The following POC1B variants were observed in gnomAD, a reference collection of about 807,000 sequenced individuals.
The protein encoded by POC1B is POC1 centriolar protein B.
Under a neutral mutation model 60.6 loss-of-function variants are expected in POC1B, and 44 were observed. That is an observed-to-expected ratio of 0.73 (90% CI 0.57 to 0.93). The LOEUF (loss-of-function observed/expected upper bound fraction) is 0.93. Among genes scored for constraint, POC1B ranks in the 40% least tolerant of loss-of-function variants. POC1B has a pLI of 0.00. For synonymous variants in POC1B, 180 were observed against 198.9 expected (o/e 0.90, Z 0.80); for missense variants, 555 against 572.3 (o/e 0.97, Z 0.31).
chr12:89,502,159 C>T, intron 2 of POC1B: 1 of 1,169,308 alleles, frequency 8.6e-7, no homozygotes, highest in Admixed American at 1.8e-5. Flanking sequence ...GGAAAGTGGA[C>T]CTTCCAGGCT....
intron 10 of POC1B, among the ~76,000 whole-genome samples, chr12:89,445,033 G>A (rs1331514939): frequency 1.3e-5 from 2 of 152,038 alleles, no homozygotes; most frequent in Non-Finnish European, 2.9e-5. Context: ...AAAATACTTA[G>A]GAATCCAACT....
intron 7 of POC1B, among the ~76,000 whole-genome samples, chr12:89,468,403 C>T (rs1882764929): frequency 6.6e-6 from 1 of 152,090 alleles, no homozygotes; most frequent in African/African-American, 2.4e-5. Flanking sequence ...GTAAGTATTT[C>T]TTATCTCAAA....
rs565279402 is a variant in POC1B, at chr12:89,497,471, C to T, written c.101-129G>A. On this transcript the variant is annotated intron_variant, in intron 2 of 11. Coordinates refer to ENST00000313546, the MANE Select transcript of POC1B (RefSeq NM_172240.3). ...AGAGCGGCTGGAGGTTGTAAGGCTG[C>T]CCAGGTAATAGCCAAATTACTTTTT... The T allele has an allele frequency of 6.5e-5, 57 of 873,000 alleles. No individual in the cohort carries two copies. The Middle Eastern group carries it at 1.4e-3, about 22-fold the overall frequency. 54.1% of individuals were successfully genotyped at this position (873,000 alleles called of 1,614,324 possible). A position where few individuals can be genotyped will look rare whatever the true frequency, so the allele number is the denominator to read the frequency against.
intron 10 of POC1B, among the ~76,000 whole-genome samples, chr12:89,448,935 C>T (rs1284903273): frequency 1.3e-5 from 2 of 152,204 alleles, no homozygotes; most frequent in Non-Finnish European, 2.9e-5. Flanking sequence ...ACTCAAGGGC[C>T]TATTTCTCCA....
At chr12:89,499,064 T>G (rs1055684580) in intron 2 of POC1B, among the ~76,000 whole-genome samples, 6 of 151,980 alleles carry the variant, frequency 3.9e-5, no homozygotes, top group Non-Finnish European at 8.8e-5. Context: ...GGAATCCCTG[T>G]GCAAAAGCAC....
At chr12:89,433,291 T>C (rs760315415) in intron 10 of POC1B, among the ~76,000 whole-genome samples, 56 of 152,062 alleles carry the variant, frequency 3.7e-4, no homozygotes, top group Non-Finnish European at 7.6e-4. Flanking sequence ...TGTGTGCTGA[T>C]AGAAAGAGCA....
chr12:89,462,535 C>T (rs1882519290), intron 9 of POC1B, among the ~76,000 whole-genome samples: 1 of 152,194 alleles, frequency 6.6e-6, no homozygotes. Flanking sequence ...TAAGCCTTCA[C>T]TAGACTACAA....
At position 89,431,487 on chromosome 12, in the gene POC1B, C is replaced by T. The variant is rs555798104; in HGVS notation, c.1114-6108G>A. ...TGCACACACACACGTATGTATAAAA[C>T]GTCTGCCTGAAATAGACTAGAATAA... is the stretch of plus-strand genomic sequence containing the variant. On this transcript the variant is annotated intron_variant, in intron 10 of 11. Transcript: ENST00000313546. Among the ~76,000 whole-genome samples, 13 of 152,026 alleles carry T rather than the reference C, an allele frequency of 8.6e-5. No homozygotes were observed. In the East Asian group the frequency reaches 1.2e-3, roughly 14 times the overall value.
At chr12:89,452,494 C>A (rs1171152126) in intron 10 of POC1B, among the ~76,000 whole-genome samples, 1 of 151,984 alleles carries the variant, frequency 6.6e-6, no homozygotes, top group Non-Finnish European at 1.5e-5. Context: ...AGTTTCACTG[C>A]ATAAAGTATT....
intron 2 of POC1B, among the ~76,000 whole-genome samples, chr12:89,514,441 C>T (rs4254123): frequency 7.9e-6 from 1 of 126,288 alleles, no homozygotes. Flanking sequence ...CGAAGTCTTA[C>T]TCTGTCGTCC....
chr12:89,507,292 A>AAC (rs1869952771), intron 2 of POC1B, among the ~76,000 whole-genome samples: 1 of 147,142 alleles, frequency 6.8e-6, no homozygotes, highest in African/African-American at 2.5e-5. Flanking sequence ...AAAAAAAAAA[A>AAC]CTATGAAAAC....
intron 10 of POC1B, chr12:89,429,316 A>G (rs185224522): frequency 6.6e-6 from 1 of 152,354 alleles, no homozygotes; most frequent in Non-Finnish European, 1.5e-5. Context: ...ATTGAAACCT[A>G]GGTATTAGCA....
intron 2 of POC1B, among the ~76,000 whole-genome samples, chr12:89,511,347 C>T (rs1870177190): frequency 6.7e-6 from 1 of 149,218 alleles, no homozygotes; most frequent in African/African-American, 2.5e-5. Flanking sequence ...CTCCGGGAGG[C>T]AGAAGTTGCA....
rs186709699 is a variant in POC1B at position 89,499,702 on chromosome 12, G to A, written c.101-2360C>T. Among the ~76,000 whole-genome samples, 191 of 152,188 alleles carry A rather than the reference G, an allele frequency of 1.3e-3. 2 individuals are homozygous for A. Among genetic ancestry groups the A allele is most frequent in the African/African-American group, 4.3e-3 (179 of 41,504 alleles). On this transcript the variant is annotated intron_variant, in intron 2 of 11. Coordinates refer to ENST00000313546, the MANE Select transcript of POC1B (RefSeq NM_172240.3). ...TAAAACAATTGTGGTGGGTCAACTG[G>A]ATACTCATAAGGAAGAAAATTAATC...
At chr12:89,503,168 G>A (rs942828537) in intron 2 of POC1B, among the ~76,000 whole-genome samples, 3 of 151,826 alleles carry the variant, frequency 2.0e-5, no homozygotes, top group African/African-American at 7.3e-5. Flanking sequence ...ATGCCCAGCC[G>A]AAGCTGGACT....
the POC1B span, among the ~76,000 whole-genome samples, chr12:89,411,389 C>T: frequency 1.3e-5 from 2 of 152,322 alleles, no homozygotes; most frequent in East Asian, 3.9e-4. Context: ...GTTTTATATG[C>T]ACATTATAAT....
At chr12:89,482,925 CTT>C (rs1206589521) in intron 4 of POC1B, among the ~76,000 whole-genome samples, 19 of 138,516 alleles carry the variant, frequency 1.4e-4, no homozygotes, top group Non-Finnish European at 9.5e-5. Flanking sequence ...TAACGCTATT[CTT>C]TTTTTTTTTT....
chr12:89,507,194 G>T lies in POC1B; in HGVS notation c.101-9852C>A, dbSNP rs373912412. Among the ~76,000 whole-genome samples, 152 of 132,054 alleles carry T rather than the reference G, an allele frequency of 1.2e-3. 2 individuals carry two copies. The South Asian group carries it at 0.034, about 30-fold the overall frequency. The allele number at this position is 132,054 out of a possible 152,430, so 86.6% of individuals were successfully genotyped here. On this transcript the variant is annotated intron_variant, in intron 2 of 11. Transcript: ENST00000313546. ...GGGGGTGGGGGAGGCTGAGGTGGGAGATAGAGGCTGTACTGAGCCACGATT... is the reference window on the plus strand; with the variant it reads ...GGGGGTGGGGGAGGCTGAGGTGGGATATAGAGGCTGTACTGAGCCACGATT...
chr12:89,412,017 C>T, the POC1B span, among the ~76,000 whole-genome samples: 1 of 152,218 alleles, frequency 6.6e-6, no homozygotes, highest in African/African-American at 2.4e-5. Context: ...AGGCACTTCC[C>T]CTGACTTCGT....
Sources: gnomAD v4.1 joint callset for allele counts (sites outside exome capture counted in the v4.1 genomes callset) on GRCh38, gnomAD v4.1.1 for gene constraint, MANE v1.5 for transcripts, NCBI Gene and HGNC (gene_info 2026-07-23, HGNC 2026-07-21) for gene names.